The following INSYN2B variants were observed in gnomAD, a reference collection of about 807,000 sequenced individuals.
The protein encoded by INSYN2B is inhibitory synaptic factor family member 2B.
A neutral mutation model predicts 41.2 loss-of-function variants in INSYN2B; 16 were observed. The ratio of observed to expected loss-of-function variants is 0.39; its 90% CI spans 0.26 to 0.59. INSYN2B has a LOEUF of 0.59. INSYN2B is among the 20% of genes least tolerant of loss of function. The probability of loss-of-function intolerance (pLI) is 0.57; values close to 1 mark genes in which losing one functional copy is unlikely to be tolerated. For synonymous variants in INSYN2B, 245 were observed against 244.4 expected, an observed-to-expected ratio of 1.00 and a Z score of -0.02; for missense variants, 608 against 646.4, an observed-to-expected ratio of 0.94 and a Z score of 0.64.
chr5:169,881,462 C>T lies in INSYN2B; in HGVS notation c.1347-20G>A. 1 of 1,549,022 alleles carries T rather than the reference C, an allele frequency of 6.5e-7. No homozygotes were observed. Among genetic ancestry groups the T allele is most frequent in the Non-Finnish European group, 8.7e-7 (1 of 1,144,702 alleles). ...TTGCGCCTGCAAGACAGAGCATTTG[C>T]TGGATAAATCTATGGGCAAAAGTCA... On this transcript the variant is annotated intron_variant, in intron 2 of 3. Coordinates refer to ENST00000377365, the MANE Select transcript of INSYN2B (RefSeq NM_001129891.3).
intron 1 of INSYN2B, among the ~76,000 whole-genome samples, chr5:169,887,834 C>T (rs557621356): frequency 6.6e-6 from 1 of 152,274 alleles, no homozygotes; most frequent in East Asian, 1.9e-4. Context: ...GTTCTACTAA[C>T]GTGCAACTCT....
intron 1 of INSYN2B, among the ~76,000 whole-genome samples, chr5:169,937,106 G>A (rs1181040692): frequency 6.6e-6 from 1 of 152,170 alleles, no homozygotes; most frequent in Non-Finnish European, 1.5e-5. Context: ...CTTCCAGCCA[G>A]CTGCCTGTTT....
intron 1 of INSYN2B, among the ~76,000 whole-genome samples, chr5:169,970,410 A>G (rs1407430637): frequency 4.6e-5 from 7 of 152,234 alleles, no homozygotes; most frequent in Non-Finnish European, 8.8e-5. Flanking sequence ...CCTGGCTGAA[A>G]TAAGGCTGGG....
chr5:169,965,646 G>C (rs1490544199), intron 1 of INSYN2B, among the ~76,000 whole-genome samples: 2 of 152,106 alleles, frequency 1.3e-5, no homozygotes, highest in African/African-American at 4.8e-5. Context: ...GCAGAGTTTA[G>C]GAACCATGGC....
At chr5:169,958,228 CAA>C (rs34936678) in intron 1 of INSYN2B, among the ~76,000 whole-genome samples, 2 of 150,284 alleles carry the variant, frequency 1.3e-5, no homozygotes, top group East Asian at 1.9e-4. Flanking sequence ...CTTTGTTTTG[CAA>C]AAAAAAAAGG....
chr5:169,979,584 C>T (rs1169773005), intron 1 of INSYN2B, among the ~76,000 whole-genome samples: 1 of 152,174 alleles, frequency 6.6e-6, no homozygotes, highest in Admixed American at 6.5e-5. Flanking sequence ...GGTGTGATTT[C>T]CCACAGATCT....
At chr5:169,930,124 G>C (rs996795128) in intron 1 of INSYN2B, among the ~76,000 whole-genome samples, 1 of 152,140 alleles carries the variant, frequency 6.6e-6, no homozygotes, top group Non-Finnish European at 1.5e-5. Flanking sequence ...CCGAGTAGCT[G>C]GGACTACAGG....
At chr5:169,958,369 G>A (rs1776950432) in intron 1 of INSYN2B, among the ~76,000 whole-genome samples, 1 of 152,104 alleles carries the variant, frequency 6.6e-6, no homozygotes, top group Non-Finnish European at 1.5e-5. Flanking sequence ...CCCCAAAGGT[G>A]GGAAAAGCAA....
chr5:169,939,203 C>CTTTTT (rs56040572), intron 1 of INSYN2B, among the ~76,000 whole-genome samples: 3 of 143,724 alleles, frequency 2.1e-5, no homozygotes, highest in South Asian at 2.3e-4. Flanking sequence ...TGTGCCCGGC[C>CTTTTT]TTTTTTTTTT....
chr5:169,869,200 C>T (rs1325511505), intron 3 of INSYN2B, among the ~76,000 whole-genome samples: 1 of 152,156 alleles, frequency 6.6e-6, no homozygotes, highest in African/African-American at 2.4e-5. Context: ...AGCATCACTC[C>T]TCACCCCTCC....
chr5:169,901,414 G>A (rs184314787), intron 1 of INSYN2B, among the ~76,000 whole-genome samples: 3,020 of 152,162 alleles, frequency 0.02, 100 homozygotes, highest in African/African-American at 0.069. Flanking sequence ...AGAGGTTTAC[G>A]AAGGGTGTGT....
chr5:169,880,516 G>A (rs919088799), intron 3 of INSYN2B, among the ~76,000 whole-genome samples: 3 of 152,214 alleles, frequency 2.0e-5, no homozygotes, highest in Non-Finnish European at 4.4e-5. Flanking sequence ...TGTCGTCAAC[G>A]GAAATTACTG....
intron 1 of INSYN2B, among the ~76,000 whole-genome samples, chr5:169,937,877 G>C (rs1212022823): frequency 1.3e-5 from 2 of 152,168 alleles, no homozygotes; most frequent in African/African-American, 2.4e-5. Flanking sequence ...TGAGTGGTGG[G>C]TCCCTTTCTC....
chr5:169,898,706 T>A (rs1773755254), intron 1 of INSYN2B, among the ~76,000 whole-genome samples: 1 of 152,156 alleles, frequency 6.6e-6, no homozygotes, highest in Non-Finnish European at 1.5e-5. Context: ...GTAGGCCATG[T>A]GGTCTTTTTT....
chr5:169,910,477 G>A (rs907482247), intron 1 of INSYN2B, among the ~76,000 whole-genome samples: 2 of 152,142 alleles, frequency 1.3e-5, no homozygotes, highest in African/African-American at 4.8e-5. Flanking sequence ...TGCCGCCTGT[G>A]GTTGGAGGCG....
intron 1 of INSYN2B, among the ~76,000 whole-genome samples, chr5:169,926,216 T>C (rs1049088867): frequency 6.6e-6 from 1 of 152,210 alleles, no homozygotes; most frequent in African/African-American, 2.4e-5. Flanking sequence ...AGTGCCTGAC[T>C]TGGGGACCAC....
At chr5:169,904,879 G>T (rs1302751604) in intron 1 of INSYN2B, among the ~76,000 whole-genome samples, 4 of 152,062 alleles carry the variant, frequency 2.6e-5, no homozygotes, top group African/African-American at 9.7e-5. Flanking sequence ...ACTGCTCCAC[G>T]GCTGGAGCAG....
intron 1 of INSYN2B, among the ~76,000 whole-genome samples, chr5:169,979,398 G>A (rs776893502): frequency 7.2e-5 from 11 of 152,170 alleles, no homozygotes; most frequent in Admixed American, 3.9e-4. Flanking sequence ...TGCCATTTTT[G>A]AGGAAACTAC....
chr5:169,914,477 G>A (rs1031063161), intron 1 of INSYN2B, among the ~76,000 whole-genome samples: 2 of 152,102 alleles, frequency 1.3e-5, no homozygotes, highest in Non-Finnish European at 2.9e-5. Context: ...TTGGGTGGAG[G>A]GATTGATTAT....
Sources: allele counts gnomAD v4.1 joint callset (sites outside exome capture counted in the v4.1 genomes callset), GRCh38; gene constraint gnomAD v4.1.1; transcripts MANE v1.5; gene names NCBI Gene and HGNC (gene_info 2026-07-23, HGNC 2026-07-21).